Variants in BRF1 observed in about 807,000 individuals in gnomAD.
BRF1 encodes BRF1 general transcription factor IIIB subunit.
BRF1 carries 59 observed loss-of-function variants against 81.7 expected under a neutral mutation model. That is an observed-to-expected ratio of 0.72 (90% CI 0.59 to 0.90). BRF1 has a LOEUF of 0.90. Ranked by LOEUF, BRF1 falls within the 40% of genes least tolerant of loss-of-function variation. The pLI, the probability that BRF1 is intolerant of heterozygous loss-of-function variation, is 0.00. For synonymous variants in BRF1, 491 were observed against 395.6 expected, an observed-to-expected ratio of 1.24 and a Z score of -2.86; for missense variants, 1,050 against 936.3, an observed-to-expected ratio of 1.12 and a Z score of -1.58.
Position 105,210,553 on chromosome 14 carries a change from A to T in BRF1, c.2032T>A (p.Ter678ArgextTer123). Residue 678 changes from the stop codon to arginine, a stop_lost, in exon 18 of 18, where the codon TGA becomes AGA. Coordinates refer to ENST00000547530, the MANE Select transcript of BRF1 (RefSeq NM_001519.4). This position sits in a 1 kb window ranked among gnomAD's most constrained non-coding sequence, Gnocchi z 4.7. ...ATCACCTGCCTGGAGGCCACACTTC[A>T]GTAGCCGTCGTCCTCATCGCCATCA... Reference protein sequence around the residue: ...GCDGDEDDGY* With the variant: ...GCDGDEDDGYR 1.2e-6 allele frequency: 2 copies of T among 1,611,220 alleles called. No individual in the cohort carries two copies. Among genetic ancestry groups the T allele is most frequent in the Non-Finnish European group, 1.7e-6 (2 of 1,179,862 alleles).
At chr14:105,252,315 G>T (rs893345949) in intron 5 of BRF1, 192 bp downstream of exon 5, 2 of 953,156 alleles carry the variant, frequency 2.1e-6, no homozygotes, top group African/African-American at 3.5e-5. Flanking sequence ...ACTCCAGCCT[G>T]GACAACAGCG....
chr14:105,290,862 C>A lies in BRF1; in HGVS notation c.185-4486G>T, dbSNP rs143874938. Reference sequence around the variant, plus strand: ...CACGCTGCTGCACCTGCTCTGGAAGCGCCTCCTGGCTTCTGCTTGCCTCAC... The same window carrying A: ...CACGCTGCTGCACCTGCTCTGGAAGAGCCTCCTGGCTTCTGCTTGCCTCAC... On this transcript the variant is annotated intron_variant, in intron 1 of 17. Coordinates refer to ENST00000547530, the MANE Select transcript of BRF1 (RefSeq NM_001519.4). Among the ~76,000 whole-genome samples, 566 of 152,040 alleles carry A rather than the reference C, an allele frequency of 3.7e-3. 3 individuals carry two copies. The highest frequency in any genetic ancestry group is 5.3e-3 in the Non-Finnish European group (363 of 68,000).
At position 105,273,357 on chromosome 14, in the gene BRF1, A is replaced by C. The variant is rs151163695; in HGVS notation, c.266-463T>G. 6.3e-3 allele frequency among the ~76,000 whole-genome samples: 959 copies of C among 152,234 alleles called. 6 individuals carry two copies. Among genetic ancestry groups the C allele is most frequent in the African/African-American group, 0.021 (890 of 41,534 alleles). On this transcript the variant is annotated intron_variant, in intron 2 of 17. Coordinates refer to ENST00000547530, the MANE Select transcript of BRF1 (RefSeq NM_001519.4). ...CACCCGTCCCTTCTCAGCAGGGCCC[A>C]TTCTGCTCAGCCCTGCGCCCGCCAG...
intron 15 of BRF1, among the ~76,000 whole-genome samples, chr14:105,215,761 A>G (rs1891081201): frequency 6.7e-6 from 1 of 148,522 alleles, no homozygotes; most frequent in Non-Finnish European, 1.5e-5. Context: ...ACAGGCACAT[A>G]CACATGCACA....
chr14:105,265,900 CA>C (rs34375627), intron 3 of BRF1, among the ~76,000 whole-genome samples: 189 of 75,658 alleles, frequency 2.5e-3, no homozygotes, highest in Admixed American at 4.0e-3. Context: ...GACTCCCTCT[CA>C]AAAAAAAAAA....
chr14:105,242,245 A>C (rs1286976149), intron 5 of BRF1: 5 of 152,092 alleles, frequency 3.3e-5, no homozygotes, highest in African/African-American at 4.8e-5. Context: ...GCATCAAGAC[A>C]CCTCACATGC....
Position 105,221,706 on chromosome 14 carries a change from G to A in BRF1, c.1257C>T (p.Ala419=). ...GGATGGAGTCTGAGATGCCCAGGCTGGCTGCAGTGGGGAGGGGGTCCAGCA... is the reference window on the plus strand; with the variant it reads ...GGATGGAGTCTGAGATGCCCAGGCTAGCTGCAGTGGGGAGGGGGTCCAGCA... ...GSLLDPLPTA[A]SLGISDSIRE... Residue 419 remains alanine (A), a synonymous_variant, in exon 11 of 18, where the codon GCC becomes GCT. Transcript: ENST00000547530. 2 of 1,611,618 alleles carry A rather than the reference G, an allele frequency of 1.2e-6. No homozygotes were observed. Among genetic ancestry groups the A allele is most frequent in the South Asian group, 2.2e-5 (2 of 91,000 alleles).
At chr14:105,275,792 G>C (rs1487104484) in intron 2 of BRF1, among the ~76,000 whole-genome samples, 1 of 152,258 alleles carries the variant, frequency 6.6e-6, no homozygotes, top group Non-Finnish European at 1.5e-5. Flanking sequence ...GTATTAAGAT[G>C]CAGGGCCTTT....
intron 15 of BRF1, 144 bp downstream of exon 15, chr14:105,217,400 A>T (rs1045258927): frequency 5.3e-6 from 7 of 1,308,796 alleles, no homozygotes; most frequent in Non-Finnish European, 7.3e-6. Flanking sequence ...AAGGCCCACC[A>T]GTCCCCAGCA....
intron 3 of BRF1, among the ~76,000 whole-genome samples, chr14:105,267,488 C>A (rs587660642): frequency 6.6e-6 from 1 of 150,776 alleles, no homozygotes; most frequent in South Asian, 2.1e-4. Context: ...TTTTCTTTTT[C>A]TTTTGTAGAG....
intron 6 of BRF1, among the ~76,000 whole-genome samples, chr14:105,241,048 C>G (rs892265564): frequency 6.6e-6 from 1 of 152,242 alleles, no homozygotes; most frequent in Non-Finnish European, 1.5e-5. Context: ...GAGAGTTCTG[C>G]CCCTTATGCC....
intron 1 of BRF1, among the ~76,000 whole-genome samples, chr14:105,290,908 G>T (rs1169773125): frequency 4.6e-5 from 7 of 151,964 alleles, no homozygotes. Flanking sequence ...GTGCACACTT[G>T]CAGGCACACA....
At chr14:105,256,700 G>A (rs753038649) in intron 3 of BRF1, 151 bp from the exon 4 acceptor site, 203 of 1,327,420 alleles carry the variant, frequency 1.5e-4, no homozygotes, top group Non-Finnish European at 1.8e-4. Flanking sequence ...AGGAAAGGTG[G>A]TATGGAAGCG....
chr14:105,275,008 A>G (rs1457350115), intron 2 of BRF1, among the ~76,000 whole-genome samples: 2 of 152,222 alleles, frequency 1.3e-5, no homozygotes, highest in African/African-American at 4.8e-5. Flanking sequence ...GTCCTCCTGC[A>G]AAGACTACCT....
chr14:105,248,111 A>G, intron 5 of BRF1: 1 of 985,460 alleles, frequency 1.0e-6, no homozygotes, highest in Non-Finnish European at 1.2e-6. Flanking sequence ...AATGCCGGGA[A>G]ATAGCAGCGC....
intron 5 of BRF1, chr14:105,249,178 C>T (rs2816605): frequency 0.25 from 397,041 of 1,581,986 alleles, 52,226 homozygotes; most frequent in Middle Eastern, 0.27. Context: ...TGTTCAACAA[C>T]GAGCTCATGG....
intron 2 of BRF1, among the ~76,000 whole-genome samples, chr14:105,283,284 C>T (rs976692099): frequency 6.6e-6 from 1 of 152,112 alleles, no homozygotes; most frequent in Non-Finnish European, 1.5e-5. Flanking sequence ...CAGGCAGGAG[C>T]GGTGCCTGGC....
intron 7 of BRF1, among the ~76,000 whole-genome samples, 199 bp downstream of exon 7, chr14:105,228,621 G>T (rs1030660997): frequency 2.0e-5 from 3 of 152,088 alleles, no homozygotes; most frequent in African/African-American, 7.2e-5. Context: ...AGGACTAGCA[G>T]GGAACTCTCT....
intron 2 of BRF1, among the ~76,000 whole-genome samples, chr14:105,279,735 A>G (rs1595452981): frequency 6.6e-6 from 1 of 152,224 alleles, no homozygotes; most frequent in Admixed American, 6.5e-5. Context: ...ACCTGTGTCC[A>G]CCGAAGGACC....
Sources: gnomAD v4.1 joint callset for allele counts (sites outside exome capture counted in the v4.1 genomes callset) on GRCh38, gnomAD v4.1.1 for gene constraint, Gnocchi (gnomAD v3.1) non-coding constraint, MANE v1.5 for transcripts, NCBI Gene and HGNC (gene_info 2026-07-23, HGNC 2026-07-21) for gene names.